Variants in CNTN6 observed in about 807,000 individuals in gnomAD.
CNTN6 encodes the protein contactin-6.
Under a neutral mutation model 122.8 loss-of-function variants are expected in CNTN6, and 137 were observed. The ratio of observed to expected loss-of-function variants is 1.12; its 90% confidence interval spans 0.97 to 1.29. The LOEUF is 1.29. CNTN6 is among the 50% of genes most tolerant of loss of function. CNTN6 has a pLI of 0.00. For missense variants in CNTN6, 1,634 were observed against 1,223.4 expected, an observed-to-expected ratio of 1.34 and a Z score of -5.01; for synonymous variants, 570 against 426.0, an observed-to-expected ratio of 1.34 and a Z score of -4.16.
intron 1 of CNTN6, among the ~76,000 whole-genome samples, chr3:1,094,191 T>C (rs1385299001): frequency 6.6e-6 from 1 of 152,238 alleles, no homozygotes; most frequent in Non-Finnish European, 1.5e-5. Context: ...CATCTTTTTA[T>C]TTTTGTTGTT....
intron 7 of CNTN6, among the ~76,000 whole-genome samples, chr3:1,308,308 TGTG>T (rs1474983978): frequency 6.6e-6 from 1 of 151,640 alleles, no homozygotes; most frequent in Non-Finnish European, 1.5e-5. Context: ...TGTGTGTGTG[TGTG>T]TGTGTGTGTG....
chr3:1,385,535 T>C, intron 19 of CNTN6, 76 bp from the exon 20 acceptor site: 2 of 1,187,052 alleles, frequency 1.7e-6, no homozygotes, highest in Non-Finnish European at 2.4e-6. Flanking sequence ...GTGGTTGTGG[T>C]TGATAGTTGT....
Position 1,228,183 on chromosome 3 carries a change from T to TA in CNTN6, c.358+198dup, listed in dbSNP as rs575636312. 5.3e-5 allele frequency among the ~76,000 whole-genome samples: 8 copies of TA among 151,864 alleles called. No homozygotes were observed. In the East Asian group the frequency reaches 5.8e-4, roughly 11 times the overall value. ...TAGAAACCTGCTTCTAAAAAAAGAATAAAAAAAACAGGGAAAAGATCAATG... is the reference window on the plus strand; with the variant it reads ...TAGAAACCTGCTTCTAAAAAAAGAATAAAAAAAAACAGGGAAAAGATCAATG... On this transcript the variant is annotated intron_variant, in intron 4 of 22. Coordinates refer to ENST00000446702, the MANE Select transcript of CNTN6 (RefSeq NM_001289080.2).
At chr3:1,343,602 A>T (rs1016591305) in intron 11 of CNTN6, among the ~76,000 whole-genome samples, 1 of 152,174 alleles carries the variant, frequency 6.6e-6, no homozygotes, top group Non-Finnish European at 1.5e-5. Context: ...TGCAATCAGA[A>T]AAATGCATAT....
At chr3:1,327,157 G>A (rs1046257573) in intron 9 of CNTN6, among the ~76,000 whole-genome samples, 2 of 151,818 alleles carry the variant, frequency 1.3e-5, no homozygotes, top group African/African-American at 2.4e-5. Context: ...TAATTAGGAC[G>A]GTGGAGTATT....
At chr3:1,115,249 C>A (rs2091667224) in intron 1 of CNTN6, among the ~76,000 whole-genome samples, 1 of 152,084 alleles carries the variant, frequency 6.6e-6, no homozygotes, top group South Asian at 2.1e-4. Flanking sequence ...AGAAAGCCCA[C>A]AAGTCAACAA....
intron 1 of CNTN6, among the ~76,000 whole-genome samples, chr3:1,106,370 A>G (rs2091221676): frequency 1.3e-5 from 2 of 152,088 alleles, no homozygotes; most frequent in Admixed American, 6.6e-5. Flanking sequence ...TTATGTTAAT[A>G]TTTGATGTTA....
At position 1,401,469 on chromosome 3, in the gene CNTN6, T is replaced by C; in HGVS notation, c.2741T>C (p.Leu914Pro). 1 of 1,612,170 alleles carries C rather than the reference T, an allele frequency of 6.2e-7. No homozygotes were observed. The highest frequency in any genetic ancestry group is 2.2e-5 in the East Asian group (1 of 44,794). Reference sequence around the variant, plus strand: ...CCACCAGCAAACATTGCCTGGAAGCTGACAAACTCTAAATTATGCTTGAAC... The same window carrying C: ...CCACCAGCAAACATTGCCTGGAAGCCGACAAACTCTAAATTATGCTTGAAC... ...SQPPANIAWK[L>P]TNSKLCLNWE... The change falls in exon 21 of 23, where the codon CTG becomes CCG. Residue 914 changes from leucine to proline, a missense_variant. Physicochemically the swap from Leu to Pro is moderately conservative, Grantham distance 98. Coordinates refer to ENST00000446702, the MANE Select transcript of CNTN6 (RefSeq NM_001289080.2).
chr3:1,116,192 A>C (rs1234513869), intron 1 of CNTN6, among the ~76,000 whole-genome samples: 1 of 152,166 alleles, frequency 6.6e-6, no homozygotes, highest in Admixed American at 6.5e-5. Flanking sequence ...CAACAAGGAG[A>C]AGGATTAAGG....
At chr3:1,379,839 G>C (rs67502124) in intron 17 of CNTN6, among the ~76,000 whole-genome samples, 1 of 152,014 alleles carries the variant, frequency 6.6e-6, no homozygotes, top group Non-Finnish European at 1.5e-5. Flanking sequence ...CTTCTTTATG[G>C]AATAAGTTAT....
intron 2 of CNTN6, among the ~76,000 whole-genome samples, chr3:1,189,260 T>C (rs2093668491): frequency 1.3e-5 from 2 of 152,110 alleles, no homozygotes; most frequent in Admixed American, 6.5e-5. Context: ...TTTTTGAATA[T>C]AAAAATCTCC....
At chr3:1,282,691 A>G (rs1693677072) in intron 5 of CNTN6, among the ~76,000 whole-genome samples, 1 of 152,164 alleles carries the variant, frequency 6.6e-6, no homozygotes, top group African/African-American at 2.4e-5. Flanking sequence ...CTTCACTAAG[A>G]TTCCTGTTAA....
intron 2 of CNTN6, among the ~76,000 whole-genome samples, chr3:1,200,000 T>C (rs2093837998): frequency 6.6e-6 from 1 of 152,214 alleles, no homozygotes; most frequent in South Asian, 2.1e-4. Context: ...TACATTTTCA[T>C]AGATAAAGCG....
At chr3:1,187,439 T>G (rs896073220) in intron 2 of CNTN6, among the ~76,000 whole-genome samples, 1 of 152,188 alleles carries the variant, frequency 6.6e-6, no homozygotes, top group African/African-American at 2.4e-5. Context: ...AGCGTCTTTA[T>G]GTACACAGTT....
intron 4 of CNTN6, among the ~76,000 whole-genome samples, chr3:1,246,639 A>G (rs145235697): frequency 4.5e-4 from 69 of 152,128 alleles, no homozygotes; most frequent in African/African-American, 1.6e-3. Flanking sequence ...ATTAATTTGT[A>G]CTCTTTCCAG....
chr3:1,218,134 T>C (rs968765893), intron 2 of CNTN6, among the ~76,000 whole-genome samples: 1 of 152,004 alleles, frequency 6.6e-6, no homozygotes, highest in Non-Finnish European at 1.5e-5. Flanking sequence ...AGGACAGTGG[T>C]GACTTGGTGT....
intron 2 of CNTN6, among the ~76,000 whole-genome samples, chr3:1,161,524 A>C (rs992326036): frequency 1.3e-5 from 2 of 151,796 alleles, no homozygotes; most frequent in Non-Finnish European, 2.9e-5. Flanking sequence ...TTTGATAATA[A>C]ACATGTGTAT....
intron 12 of CNTN6, among the ~76,000 whole-genome samples, chr3:1,357,788 A>C (rs1706813647): frequency 6.6e-6 from 1 of 151,926 alleles, no homozygotes; most frequent in African/African-American, 2.4e-5. Flanking sequence ...TTTTATATGT[A>C]AAAATTCATT....
In CNTN6 at chr3:1,297,877, G is replaced by C; in HGVS notation, c.659-12G>C. The C allele has an allele frequency of 6.3e-7, 1 of 1,594,896 alleles. No homozygotes were observed. The highest frequency in any genetic ancestry group is 8.6e-7 in the Non-Finnish European group (1 of 1,167,574). ...CTCCAGAAATGCTGCTAGCTCTTTT[G>C]ATATTTAACAGGTGTGATGGGGGAA... On this transcript the variant is annotated splice_polypyrimidine_tract_variant and intron_variant, in intron 6 of 22. Coordinates refer to ENST00000446702, the MANE Select transcript of CNTN6 (RefSeq NM_001289080.2).
Sources: allele counts gnomAD v4.1 joint callset (sites outside exome capture counted in the v4.1 genomes callset), GRCh38; gene constraint gnomAD v4.1.1; transcripts MANE v1.5; gene names NCBI Gene and HGNC (gene_info 2026-07-23, HGNC 2026-07-21).